Variants in MID1 observed in about 807,000 individuals in gnomAD.
MID1 encodes the protein E3 ubiquitin-protein ligase Midline-1.
A neutral mutation model predicts 40.4 loss-of-function variants in MID1; 7 were observed. The ratio of observed to expected loss-of-function variants is 0.17; its 90% CI spans 0.10 to 0.33. MID1 has a LOEUF of 0.33. MID1 is among the 10% of genes least tolerant of loss of function. The probability of loss-of-function intolerance (pLI) is 1.00; values close to 1 mark genes in which losing one functional copy is unlikely to be tolerated. For synonymous variants in MID1, 229 were observed against 221.2 expected (o/e 1.04, Z -0.31); for missense variants, 367 against 558.5 (o/e 0.66, Z 3.46).
rs752246323 is a variant in MID1, at chrX:10,616,232, T to C, written c.-57+4058A>G. ...GTTCATACTTAGTACAATAGGGATA[T>C]TGATGATATTTATATGATATATTGT... On this transcript the variant is annotated intron_variant, in intron 1 of 9. Coordinates refer to ENST00000317552, the MANE Select transcript of MID1 (RefSeq NM_000381.4). Among the ~76,000 whole-genome samples, 62 of 112,401 alleles carry C rather than the reference T, an allele frequency of 5.5e-4. No individual in the cohort carries two copies. The Middle Eastern group carries it at 0.014, about 25-fold the overall frequency.
At chrX:10,705,062 G>A (rs1211780438) in intron 1 of MID1, among the ~76,000 whole-genome samples, 1 of 111,126 alleles carries the variant, frequency 9.0e-6, no homozygotes, top group Non-Finnish European at 1.9e-5. Context: ...ACACCCAGCC[G>A]AGACAACAAA....
upstream of MID1, among the ~76,000 whole-genome samples, chrX:10,624,679 C>T (rs1291747586): frequency 3.6e-5 from 4 of 111,711 alleles, no homozygotes; most frequent in South Asian, 3.8e-4. Flanking sequence ...GGCATAATCT[C>T]GGCTCACTGC....
intron 1 of MID1, among the ~76,000 whole-genome samples, chrX:10,613,744 G>T (rs1281698052): frequency 1.3e-3 from 98 of 78,286 alleles, no homozygotes; most frequent in Non-Finnish European, 1.4e-3. Flanking sequence ...GAGAGAGAGA[G>T]AGAGAGAGAG....
intron 2 of MID1, among the ~76,000 whole-genome samples, chrX:10,548,198 C>T: frequency 9.0e-6 from 1 of 111,644 alleles, no homozygotes; most frequent in Non-Finnish European, 1.9e-5. Flanking sequence ...TTATTTTAAT[C>T]TACCACTGTG....
Position 10,485,195 on chromosome X carries a change from TTTG to T in MID1, c.865-2570_865-2568del, listed in dbSNP as rs758165345. Among the ~76,000 whole-genome samples, 443 of 111,611 alleles carry T rather than the reference TTTG, an allele frequency of 4.0e-3. 1 individual carries two copies. The highest frequency in any genetic ancestry group is 0.014 in the African/African-American group (430 of 30,749). Reference sequence around the variant, plus strand: ...AGACCGTATGGCAAAGCCTAAAATATTTGTTATCTGGCCCTTGACAGAAAAGTC... The same window carrying T: ...AGACCGTATGGCAAAGCCTAAAATATTTATCTGGCCCTTGACAGAAAAGTC... On this transcript the variant is annotated intron_variant, in intron 4 of 9. Transcript: ENST00000317552.
At chrX:10,643,975 G>T (rs748063857) in intron 1 of MID1, among the ~76,000 whole-genome samples, 144 of 109,829 alleles carry the variant, frequency 1.3e-3, no homozygotes, top group African/African-American at 4.4e-3. Flanking sequence ...TGGACACAGG[G>T]TGGGGAACAT....
At chrX:10,494,754 A>G (rs1931144950) in intron 4 of MID1, among the ~76,000 whole-genome samples, 1 of 100,242 alleles carries the variant, frequency 1.0e-5, no homozygotes, top group Non-Finnish European at 2.0e-5. Context: ...AGCCTGGGTG[A>G]CAGATAAAGA....
intron 1 of MID1, among the ~76,000 whole-genome samples, chrX:10,765,119 C>T (rs895217057): frequency 2.7e-5 from 3 of 111,749 alleles, no homozygotes; most frequent in Non-Finnish European, 5.6e-5. Context: ...TCCAGGTTCA[C>T]ACTCACCCAG....
rs762519245 is a variant in MID1 at position 10,706,088 on chromosome X, C to T, written c.-186-85669G>A. ...TTTAGCAGCATCTCTGGTTTCCACC[C>T]ACTAGATGTTAAGAGCAAGACCTTC... is the stretch of plus-strand genomic sequence containing the variant. On this transcript the variant is annotated intron_variant, in intron 1 of 10. Coordinates refer to the MID1 transcript ENST00000380785. 1.2e-4 allele frequency among the ~76,000 whole-genome samples: 13 copies of T among 111,025 alleles called. No individual in the cohort carries two copies. In the South Asian group the frequency reaches 1.6e-3, roughly 13 times the overall value.
At chrX:10,459,544 C>T in intron 8 of MID1, 102 bp downstream of exon 8, 1 of 938,738 alleles carries the variant, frequency 1.1e-6, no homozygotes. Context: ...GGGGGGCTGT[C>T]AATGATACCC....
chrX:10,554,075 G>A (rs1368588652), intron 2 of MID1, among the ~76,000 whole-genome samples: 1 of 111,610 alleles, frequency 9.0e-6, no homozygotes, highest in Non-Finnish European at 1.9e-5. Flanking sequence ...ATGGCCTCAT[G>A]TTCTGCATTG....
chrX:10,462,454 T>C (rs1270514596), intron 7 of MID1, among the ~76,000 whole-genome samples: 2 of 111,576 alleles, frequency 1.8e-5, no homozygotes, highest in African/African-American at 6.5e-5. Flanking sequence ...GTTAGGACTC[T>C]TGACCAGGCT....
chrX:10,556,105 A>G (rs1163831453), intron 2 of MID1, among the ~76,000 whole-genome samples: 1 of 111,436 alleles, frequency 9.0e-6, no homozygotes, highest in East Asian at 2.8e-4. Context: ...CAAAAAAAAA[A>G]AAAGAAAGCT....
chrX:10,788,673 T>G (rs1481883213), intron 1 of MID1, among the ~76,000 whole-genome samples: 1 of 110,887 alleles, frequency 9.0e-6, no homozygotes, highest in African/African-American at 3.3e-5. Flanking sequence ...TGTCATAGTT[T>G]GGGGGTGGAT....
intron 1 of MID1, among the ~76,000 whole-genome samples, chrX:10,816,081 C>T (rs753774767): frequency 8.9e-6 from 1 of 112,061 alleles, no homozygotes; most frequent in African/African-American, 3.2e-5. Context: ...CTGCTTCTTT[C>T]CTAGCTCTCA....
chrX:10,559,968 G>A (rs189602186), intron 2 of MID1, among the ~76,000 whole-genome samples: 1 of 107,584 alleles, frequency 9.3e-6, no homozygotes, highest in Admixed American at 1.0e-4. Context: ...CTGCAGCCCT[G>A]ATCTCCCAGG....
chrX:10,588,550 T>C (rs906128566), intron 1 of MID1, among the ~76,000 whole-genome samples: 9 of 110,785 alleles, frequency 8.1e-5, no homozygotes, highest in African/African-American at 2.9e-4. Context: ...GAATAGGGTA[T>C]ACTGTTGTTT....
At chrX:10,473,554 A>G (rs1450872510) in intron 6 of MID1, among the ~76,000 whole-genome samples, 1 of 112,260 alleles carries the variant, frequency 8.9e-6, no homozygotes, top group Non-Finnish European at 1.9e-5. Context: ...CACAGACTGT[A>G]AAAACAAACA....
chrX:10,712,859 T>C (rs182200104), intron 1 of MID1, among the ~76,000 whole-genome samples: 1 of 111,578 alleles, frequency 9.0e-6, no homozygotes, highest in Admixed American at 9.5e-5. Flanking sequence ...TTTTTTGAGA[T>C]GGAGTCTTGC....
Sources: gnomAD v4.1 joint callset for allele counts (sites outside exome capture counted in the v4.1 genomes callset) on GRCh38, gnomAD v4.1.1 for gene constraint, MANE v1.5 for transcripts, NCBI Gene and HGNC (gene_info 2026-07-23, HGNC 2026-07-21) for gene names.